GARNL3: variants seen among roughly 807,000 people sequenced by gnomAD.
The protein encoded by GARNL3 is GTPase-activating Rap/Ran-GAP domain-like protein 3.
GARNL3 carries 63 observed loss-of-function variants against 125.0 expected under a neutral mutation model. That is an observed-to-expected ratio of 0.50 (90% confidence interval 0.41 to 0.62). The LOEUF is 0.62. GARNL3 is among the 20% of genes least tolerant of loss of function. The probability of loss-of-function intolerance (pLI) is 0.00; values close to 1 mark genes in which losing one functional copy is unlikely to be tolerated. For missense variants in GARNL3, 994 were observed against 1,244.0 expected (o/e 0.80, Z 3.02); for synonymous variants, 439 against 457.5 (o/e 0.96, Z 0.52).
chr9:127,323,302 G>T (rs1206757158), intron 6 of GARNL3, among the ~76,000 whole-genome samples: 1 of 152,196 alleles, frequency 6.6e-6, no homozygotes, highest in African/African-American at 2.4e-5. Flanking sequence ...TGTTAAGTGG[G>T]ACATTGGCAA....
intron 1 of GARNL3, among the ~76,000 whole-genome samples, chr9:127,279,929 C>T (rs1166693398): frequency 6.6e-6 from 1 of 152,146 alleles, no homozygotes; most frequent in Non-Finnish European, 1.5e-5. Context: ...GCTCCTTGAT[C>T]AATTTCCAGG....
Position 127,228,051 on chromosome 9 carries a change from A to G in GARNL3, c.-29+3713A>G, listed in dbSNP as rs1318709924. On this transcript the variant is annotated intron_variant, in intron 1 of 10. Transcript: ENST00000439286. ...TATTAACTAGCCTTTTTTCTTAACT[A>G]TGTATGTGTATATTTATATTAATGT... Among the ~76,000 whole-genome samples the G allele has an allele frequency of 2.6e-5, 4 of 152,332 alleles. No homozygotes were observed. The South Asian group carries it at 6.2e-4, about 24-fold the overall frequency.
chr9:127,361,275 G>GAA, intron 21 of GARNL3, among the ~76,000 whole-genome samples: 1 of 151,460 alleles, frequency 6.6e-6, no homozygotes, highest in East Asian at 1.9e-4. Context: ...TTTTTTAAGA[G>GAA]AGAGAGAGAG....
chr9:127,318,150 C>T (rs1189922217), intron 5 of GARNL3, 23 bp downstream of exon 5: 2 of 1,430,348 alleles, frequency 1.4e-6, no homozygotes, highest in Non-Finnish European at 2.0e-6. Flanking sequence ...GGGTAGAAAC[C>T]CCACACATGG....
At chr9:127,336,529 G>A (rs1829562489) in intron 11 of GARNL3, among the ~76,000 whole-genome samples, 1 of 152,146 alleles carries the variant, frequency 6.6e-6, no homozygotes, top group African/African-American at 2.4e-5. Flanking sequence ...AGTCATAAAT[G>A]ATTTAGAAGA....
Position 127,318,138 on chromosome 9 carries a change from A to C in GARNL3, c.503+11A>C. ...GAAGTCCATCTTAAGGTGAGTTCTA[A>C]TGGGTAGAAACCCCACACATGGATT... On this transcript the variant is annotated intron_variant, in intron 5 of 27. Transcript: ENST00000373387. 6.5e-7 allele frequency: 1 copy of C among 1,529,412 alleles called. No homozygotes were observed. The highest frequency in any genetic ancestry group is 1.4e-5 in the African/African-American group (1 of 73,268). 94.7% of individuals were successfully genotyped at this position (1,529,412 alleles called of 1,614,324 possible).
At chr9:127,250,653 G>A (rs1488785956) in intron 2 of GARNL3, among the ~76,000 whole-genome samples, 2 of 152,196 alleles carry the variant, frequency 1.3e-5, no homozygotes, top group East Asian at 1.9e-4. Flanking sequence ...CATTAGAACA[G>A]AGCTAATATG....
At position 127,354,422 on chromosome 9, in the gene GARNL3, G is replaced by A; in HGVS notation, c.1759+12G>A. 1 of 1,480,308 alleles carries A rather than the reference G, an allele frequency of 6.8e-7. No individual in the cohort carries two copies. Among genetic ancestry groups the A allele is most frequent in the Non-Finnish European group, 9.4e-7 (1 of 1,065,366 alleles). The allele number at this position is 1,480,308 out of a possible 1,614,324, so 91.7% of individuals were successfully genotyped here. A position where few individuals can be genotyped will look rare whatever the true frequency, so the allele number is the denominator to read the frequency against. ...GGAGAAAACAAAAGGTGACTTGATA[G>A]ATTGGTAGATTCCATTCGATTCGTT... On this transcript the variant is annotated intron_variant, in intron 19 of 27. Transcript: ENST00000373387.
At chr9:127,229,494 GTATT>G (rs1345923776) in intron 1 of GARNL3, among the ~76,000 whole-genome samples, 3 of 152,044 alleles carry the variant, frequency 2.0e-5, no homozygotes, top group African/African-American at 4.8e-5. Context: ...TCCATTTTAT[GTATT>G]TATTCATTTA....
At chr9:127,239,488 A>T (rs1288486745) in intron 1 of GARNL3, among the ~76,000 whole-genome samples, 1 of 152,206 alleles carries the variant, frequency 6.6e-6, no homozygotes, top group African/African-American at 2.4e-5. Context: ...ACTTAATCAT[A>T]TGTAGCAGAT....
At chr9:127,268,401 C>T (rs2063748510) in intron 1 of GARNL3, among the ~76,000 whole-genome samples, 1 of 152,222 alleles carries the variant, frequency 6.6e-6, no homozygotes, top group South Asian at 2.1e-4. Flanking sequence ...TTTTCTCTTT[C>T]TCTCTGGTCC....
chr9:127,226,657 G>C (rs181859901), intron 1 of GARNL3, among the ~76,000 whole-genome samples: 1 of 152,182 alleles, frequency 6.6e-6, no homozygotes, highest in East Asian at 1.9e-4. Flanking sequence ...TCCTCCTTCG[G>C]AAGTCTTCCT....
chr9:127,285,675 A>T (rs1046736785), intron 1 of GARNL3, among the ~76,000 whole-genome samples: 3 of 152,226 alleles, frequency 2.0e-5, no homozygotes, highest in African/African-American at 7.2e-5. Flanking sequence ...TTTTATAGTG[A>T]TATGTTGTTA....
At chr9:127,252,497 A>T (rs2063423339) in intron 2 of GARNL3, among the ~76,000 whole-genome samples, 1 of 152,170 alleles carries the variant, frequency 6.6e-6, no homozygotes. Context: ...GATGATAAAT[A>T]TTTGTTGAGT....
At chr9:127,368,807 CGCCT>C (rs1047193397) in intron 22 of GARNL3, among the ~76,000 whole-genome samples, 6 of 151,900 alleles carry the variant, frequency 3.9e-5, no homozygotes, top group Admixed American at 2.0e-4. Flanking sequence ...TGGTGGTGCG[CGCCT>C]GTAGTCCTAT....
chr9:127,264,114 A>G (rs184980737), upstream of GARNL3: 87 of 691,528 alleles, frequency 1.3e-4, no homozygotes, highest in African/African-American at 1.5e-3. Context: ...TGCATGACAT[A>G]TTAGAATCAA....
At chr9:127,375,171 T>G (rs952806603) in intron 22 of GARNL3, among the ~76,000 whole-genome samples, 5 of 151,776 alleles carry the variant, frequency 3.3e-5, no homozygotes, top group Middle Eastern at 3.4e-3. Flanking sequence ...GCAAAAGAAA[T>G]AAAAGCACAG....
At chr9:127,263,979 C>T (rs1182984347), upstream of GARNL3, 1 of 1,528,370 alleles carries the variant, frequency 6.5e-7, no homozygotes, top group Non-Finnish European at 8.8e-7. Context: ...TGCAACCTAC[C>T]TTTTAAGGAA....
intron 24 of GARNL3, 134 bp from the exon 25 acceptor site, chr9:127,387,059 C>T (rs1832577566): frequency 2.4e-6 from 2 of 841,220 alleles, no homozygotes; most frequent in Non-Finnish European, 3.5e-6. Flanking sequence ...CATCCCTCGC[C>T]CCGGCATCCC....
Sources: gnomAD v4.1 joint callset for allele counts (sites outside exome capture counted in the v4.1 genomes callset) on GRCh38, gnomAD v4.1.1 for gene constraint, MANE v1.5 for transcripts, NCBI Gene and HGNC (gene_info 2026-07-23, HGNC 2026-07-21) for gene names.